The following SMG1 variants were observed in gnomAD, a reference collection of about 807,000 sequenced individuals.
SMG1 encodes SMG1 nonsense mediated mRNA decay associated PI3K related kinase.
Under a neutral mutation model 419.9 loss-of-function variants are expected in SMG1, and 22 were observed. That is an observed-to-expected ratio of 0.05 (90% confidence interval 0.04 to 0.07). SMG1 has a LOEUF of 0.07. Among genes scored for constraint, SMG1 ranks in the 10% least tolerant of loss-of-function variants. The pLI, the probability that SMG1 is intolerant of heterozygous loss-of-function variation, is 1.00. For missense variants in SMG1, 3,185 were observed against 4,342.0 expected (o/e 0.73, Z 7.49); for synonymous variants, 1,538 against 1,553.5 (o/e 0.99, Z 0.23).
chr16:18,893,955 G>A lies in SMG1; in HGVS notation c.413-1601C>T, dbSNP rs575267296. 3.9e-5 allele frequency among the ~76,000 whole-genome samples: 6 copies of A among 152,108 alleles called. No individual in the cohort carries two copies. The East Asian group carries it at 1.2e-3, about 29-fold the overall frequency. ...TCCTGTAATCCCAGCTACTCGGGAG[G>A]CTGAGGCAGGAGAATCATTTTAATC... On this transcript the variant is annotated intron_variant, in intron 3 of 62. Coordinates refer to ENST00000446231, the MANE Select transcript of SMG1 (RefSeq NM_015092.5).
intron 53 of SMG1, 36 bp from the exon 54 acceptor site, chr16:18,829,791 A>C: frequency 6.4e-7 from 1 of 1,551,458 alleles, no homozygotes; most frequent in Non-Finnish European, 8.7e-7. Flanking sequence ...TTTCATGAAA[A>C]AAATCAGGTA....
At chr16:18,910,344 C>T (rs1032991958) in intron 1 of SMG1, among the ~76,000 whole-genome samples, 7 of 151,806 alleles carry the variant, frequency 4.6e-5, no homozygotes, top group Admixed American at 2.0e-4. Flanking sequence ...AATTCTCCTG[C>T]CTCAGCCTCC....
chr16:18,837,542 C>T, intron 45 of SMG1, 99 bp from the exon 46 acceptor site: 1 of 1,052,434 alleles, frequency 9.5e-7, no homozygotes, highest in African/African-American at 1.6e-5. Context: ...TAAATCTCTA[C>T]AAAACCCGAA....
Position 18,830,312 on chromosome 16 carries a change from T to G in SMG1, c.8850A>C (p.Glu2950Asp). ...LIQPRNGSVD[E>D]TPKMSAGQML... ...TCTGGCCAGCTGACATTTTGGGTGT[T>G]TCATCAACTGAACCATTTCTCGGTT... is the stretch of plus-strand genomic sequence containing the variant. The change falls in exon 52 of 63, where the codon GAA becomes GAC. Residue 2950 changes from glutamate to aspartate, a missense_variant. Physicochemically the swap from Glu to Asp is conservative, Grantham distance 45 (BLOSUM62 2). Around this residue, in one of 27 missense-constraint regions of SMG1, gnomAD observed 737 missense variants for 846.6 expected, o/e 0.87. Coordinates refer to ENST00000446231, the MANE Select transcript of SMG1 (RefSeq NM_015092.5). 6.2e-7 allele frequency: 1 copy of G among 1,613,976 alleles called. No individual in the cohort carries two copies. Among genetic ancestry groups the G allele is most frequent in the Non-Finnish European group, 8.5e-7 (1 of 1,179,870 alleles).
At chr16:18,857,971 A>G (rs1400676073) in intron 29 of SMG1, 199 bp downstream of exon 29, 5 of 362,306 alleles carry the variant, frequency 1.4e-5, no homozygotes, top group Non-Finnish European at 2.6e-5. Context: ...GACAGGGGCA[A>G]ATGAGGAGAT....
intron 1 of SMG1, among the ~76,000 whole-genome samples, chr16:18,908,330 A>G (rs915590920): frequency 2.2e-4 from 32 of 148,342 alleles, no homozygotes; most frequent in Non-Finnish European, 4.8e-4. Context: ...TCACCACTAC[A>G]CTCCAGCCTG....
chr16:18,866,897 A>G (rs2035541517), intron 22 of SMG1, 122 bp from the exon 23 acceptor site: 1 of 660,964 alleles, frequency 1.5e-6, no homozygotes, highest in Admixed American at 2.9e-5. Context: ...TATTTTCACA[A>G]TTTTCACATT....
intron 13 of SMG1, chr16:18,875,544 T>A (rs1395676480): frequency 2.6e-5 from 4 of 151,590 alleles, no homozygotes. Context: ...CGAGCCAAGA[T>A]CGCGCCATGG....
Position 18,866,771 on chromosome 16 carries a change from T to C in SMG1, c.3200A>G (p.Asn1067Ser), listed in dbSNP as rs778718830. 6.3e-7 allele frequency: 1 copy of C among 1,597,180 alleles called. No homozygotes were observed. Among genetic ancestry groups the C allele is most frequent in the Non-Finnish European group, 8.5e-7 (1 of 1,179,440 alleles). ...EMKTTSLSQG[N>S]ELEVTIMMVV... ...CATCATAATGGTTACTTCCAATTCA[T>C]TCCCCTGAAAACGCATTCAGAAAAA... Residue 1067 changes from asparagine (N) to serine (S), a missense_variant, in exon 23 of 63, where the codon AAT becomes AGT. By Grantham distance (46) the Asn-to-Ser change is conservative (BLOSUM62 1). This residue lies in a region of SMG1 where 70 missense variants were observed against 185.7 expected (regional missense o/e 0.38). Transcript: ENST00000446231.
chr16:18,868,194 G>C lies in SMG1; in HGVS notation c.3191C>G (p.Ser1064Cys), dbSNP rs1353625048. The C allele has an allele frequency of 1.9e-6, 3 of 1,577,594 alleles. No homozygotes were observed. In the Admixed American group the frequency reaches 5.2e-5, roughly 28 times the overall value. ...LLTEMKTTSLSQGNELEVTIM... is the reference protein window; with the variant it reads ...LLTEMKTTSLCQGNELEVTIM... ...ATTTCAAACACACCACATTACCTGA[G>C]ATAGGCTGGTTGTTTTCATCTCTGT... The change falls in exon 22 of 63, where the codon TCT (serine) becomes TGT (cysteine). Residue 1064 changes from serine (S) to cysteine (C), a missense_variant. Coordinates refer to ENST00000446231, the MANE Select transcript of SMG1 (RefSeq NM_015092.5).
chr16:18,896,710 G>A, intron 2 of SMG1, 83 bp downstream of exon 2: 1 of 979,450 alleles, frequency 1.0e-6, no homozygotes, highest in East Asian at 2.5e-5. Context: ...AAGAAAGCAA[G>A]AAAGTTGGGG....
At chr16:18,911,176 A>G (rs2037777925) in intron 1 of SMG1, among the ~76,000 whole-genome samples, 1 of 152,188 alleles carries the variant, frequency 6.6e-6, no homozygotes, top group Non-Finnish European at 1.5e-5. Context: ...TTCAACTTGA[A>G]ATAGGTTTAC....
intron 1 of SMG1, among the ~76,000 whole-genome samples, chr16:18,921,460 T>C (rs374373631): frequency 1.1e-4 from 16 of 152,316 alleles, no homozygotes; most frequent in South Asian, 6.2e-4. Flanking sequence ...TCAAGTAAAA[T>C]AGCCATACAC....
chr16:18,891,977 G>A (rs1175782250), intron 4 of SMG1, among the ~76,000 whole-genome samples: 4 of 152,156 alleles, frequency 2.6e-5, no homozygotes, highest in Admixed American at 6.6e-5. Context: ...TGCAGTGGGA[G>A]GATAGCTTGA....
At chr16:18,833,826 T>C (rs1486247552) in intron 50 of SMG1, among the ~76,000 whole-genome samples, 3 of 152,180 alleles carry the variant, frequency 2.0e-5, no homozygotes, top group Admixed American at 1.3e-4. Context: ...TTTATAGGGG[T>C]AGAAATGTCT....
rs968179423 is a variant in SMG1, at chr16:18,806,751, G to A, written c.*2818C>T. 2 of 152,340 alleles carry A rather than the reference G, an allele frequency of 1.3e-5. No individual in the cohort carries two copies. Among genetic ancestry groups the A allele is most frequent in the South Asian group, 4.1e-4 (2 of 4,828 alleles). 9.4% of individuals were successfully genotyped at this position (152,340 alleles called of 1,614,324 possible). ...GGAGAGGGGGAGGCGACAGAGGAAT[G>A]GAGGGAAAGGGGGAGGCAAGAGAGA... On this transcript the variant is annotated 3_prime_UTR_variant, in exon 63 of 63. Transcript: ENST00000446231.
intron 1 of SMG1, among the ~76,000 whole-genome samples, chr16:18,922,210 TAGA>T (rs568043957): frequency 3.3e-5 from 5 of 152,240 alleles, no homozygotes; most frequent in African/African-American, 7.2e-5. Context: ...TGATTGATAC[TAGA>T]AGATTATCTT....
At chr16:18,832,907 T>C (rs1048767019) in intron 51 of SMG1, 33 bp downstream of exon 51, 21 of 1,575,690 alleles carry the variant, frequency 1.3e-5, no homozygotes, top group Non-Finnish European at 1.7e-5. Flanking sequence ...CCATCTCTTT[T>C]ACAAGGAAAC....
chr16:18,849,520 A>AT, intron 35 of SMG1, 142 bp from the exon 36 acceptor site: 4 of 811,732 alleles, frequency 4.9e-6, no homozygotes, highest in Non-Finnish European at 7.6e-6. Flanking sequence ...TCCCTGTGAT[A>AT]ATAAAGAACC....
Sources: allele counts gnomAD v4.1 joint callset (sites outside exome capture counted in the v4.1 genomes callset), GRCh38; gene constraint gnomAD v4.1.1; regional missense constraint gnomAD v4.1.1; transcripts MANE v1.5; gene names NCBI Gene and HGNC (gene_info 2026-07-23, HGNC 2026-07-21).